Variants in PITRM1 observed in about 807,000 individuals in gnomAD.
PITRM1 encodes the protein presequence protease, mitochondrial.
In PITRM1, 100 loss-of-function variants were observed where a neutral mutation model predicts 129.9. That is an observed-to-expected ratio of 0.77 (90% CI 0.65 to 0.91). The LOEUF (loss-of-function observed/expected upper bound fraction) is 0.91, where lower values mean the gene tolerates loss of function less well. Among genes scored for constraint, PITRM1 ranks in the 40% least tolerant of loss-of-function variants. The probability of loss-of-function intolerance (pLI) is 0.00; values close to 1 mark genes in which losing one functional copy is unlikely to be tolerated. For synonymous variants in PITRM1, 591 were observed against 508.8 expected, an observed-to-expected ratio of 1.16 and a Z score of -2.17; for missense variants, 1,471 against 1,318.3, an observed-to-expected ratio of 1.12 and a Z score of -1.79.
intron 19 of PITRM1, 75 bp from the exon 20 acceptor site, chr10:3,147,325 G>T: frequency 1.7e-6 from 2 of 1,152,814 alleles, no homozygotes; most frequent in Middle Eastern, 2.0e-4. Context: ...AAGCACCTGT[G>T]ACATCAGAAC....
intron 13 of PITRM1, among the ~76,000 whole-genome samples, chr10:3,156,297 C>G (rs573206754): frequency 4.4e-4 from 67 of 152,280 alleles, no homozygotes; most frequent in Non-Finnish European, 4.7e-4. Flanking sequence ...CAAAATGCTC[C>G]CATATAAAAT....
At chr10:3,172,803 A>G, upstream of PITRM1, 1 of 1,536,972 alleles carries the variant, frequency 6.5e-7, no homozygotes, top group South Asian at 1.2e-5. Flanking sequence ...CTGGCGAGGA[A>G]CCCCCTCTTA....
chr10:3,172,585 T>C, intron 1 of PITRM1, 132 bp downstream of exon 1: 1 of 794,608 alleles, frequency 1.3e-6, no homozygotes, highest in South Asian at 2.2e-5. Flanking sequence ...GGGCTCGGGG[T>C]GCGGGACGCC....
intron 7 of PITRM1, 96 bp from the exon 8 acceptor site, chr10:3,160,426 CT>C: frequency 2.0e-6 from 2 of 1,012,272 alleles, no homozygotes; most frequent in South Asian, 2.9e-5. Context: ...AGGAGTGCCC[CT>C]TACCCAAGGT....
intron 23 of PITRM1, 50 bp downstream of exon 23, chr10:3,143,339 G>C (rs759112454): frequency 1.5e-5 from 18 of 1,167,560 alleles, no homozygotes; most frequent in Non-Finnish European, 2.3e-5. Flanking sequence ...GCCTTGACAA[G>C]CTCTTCCGTA....
Position 3,163,885 on chromosome 10 carries a change from T to C in PITRM1, c.631A>G (p.Thr211Ala), listed in dbSNP as rs748908944. Residue 211 changes from threonine to alanine, a missense_variant and splice_region_variant, in exon 7 of 27, where the codon ACA becomes GCA. Thr to Ala is a moderately conservative substitution (Grantham distance 58). Transcript: ENST00000224949. ...TGGGAGAATATCCTCTCATTGTCTGTCTTGAAACGTAAAATAAATAAATCA... is the reference window on the plus strand; with the variant it reads ...TGGGAGAATATCCTCTCATTGTCTGCCTTGAAACGTAAAATAAATAAATCA... ...VVFNEMKGAF[T>A]DNERIFSQHL... The C allele has an allele frequency of 4.4e-6, 7 of 1,587,430 alleles. No homozygotes were observed. In the Admixed American group the frequency reaches 1.2e-4, roughly 28 times the overall value.
chr10:3,140,799 C>T lies in PITRM1; in HGVS notation c.2659G>A (p.Ala887Thr), dbSNP rs1840110495. ...DPDHASLKIL[A>T]RLMTAKFLHT... ...AAGAATTTGGCAGTCATCAAACGTG[C>T]AAGGATTTTAAGACTGAAATGATTA... The change falls in exon 24 of 27, where the codon GCA becomes ACA. Residue 887 changes from alanine to threonine, a missense_variant. Ala to Thr is a moderately conservative substitution (Grantham distance 58). Coordinates refer to ENST00000224949, the MANE Select transcript of PITRM1 (RefSeq NM_014889.4). 6.3e-7 allele frequency: 1 copy of T among 1,583,924 alleles called. No homozygotes were observed. The highest frequency in any genetic ancestry group is 8.6e-7 in the Non-Finnish European group (1 of 1,163,610).
rs958301190 is a variant in PITRM1 at position 3,172,681 on chromosome 10, C to T, written c.56+36G>A. On this transcript the variant is annotated intron_variant, in intron 1 of 26. Coordinates refer to ENST00000224949, the MANE Select transcript of PITRM1 (RefSeq NM_014889.4). ...GCCCTGGACCCTCCCCTCCCGGGTA[C>T]CAGCGCGCCGAGCGCCTCCCGTCGC... 10 of 1,525,068 alleles carry T rather than the reference C, an allele frequency of 6.6e-6. No individual in the cohort carries two copies. The Admixed American group carries it at 1.6e-4, about 24-fold the overall frequency. The allele number at this position is 1,525,068 out of a possible 1,614,324, so 94.5% of individuals were successfully genotyped here.
intron 19 of PITRM1, 110 bp from the exon 20 acceptor site, chr10:3,147,360 G>A: frequency 1.0e-6 from 1 of 988,528 alleles, no homozygotes; most frequent in Non-Finnish European, 1.6e-6. Flanking sequence ...GGTTATGTGT[G>A]CGAGTGCACG....
chr10:3,151,434 GTTA>G (rs2132422410), intron 14 of PITRM1, 71 bp from the exon 15 acceptor site: 1 of 920,326 alleles, frequency 1.1e-6, no homozygotes, highest in East Asian at 2.6e-5. Context: ...TGTCTCCTAT[GTTA>G]TTATCTTAAC....
chr10:3,171,338 T>TAAAAA lies in PITRM1; in HGVS notation c.57-1137_57-1133dup, dbSNP rs71383153. 4.0e-3 allele frequency among the ~76,000 whole-genome samples: 565 copies of TAAAAA among 142,474 alleles called. 4 individuals are homozygous for TAAAAA. The highest frequency in any genetic ancestry group is 0.014 in the African/African-American group (547 of 38,208). 93.5% of individuals were successfully genotyped at this position (142,474 alleles called of 152,430 possible). A position where few individuals can be genotyped will look rare whatever the true frequency, so the allele number is the denominator to read the frequency against. ...AGAACGCATAAAAATGGTAAAATAT[T>TAAAAA]AAAAAAAAAAAAAGCAAGGACATTT... On this transcript the variant is annotated intron_variant, in intron 1 of 26. Transcript: ENST00000224949.
At chr10:3,172,464 C>A (rs1381179716) in intron 1 of PITRM1, among the ~76,000 whole-genome samples, 1 of 152,224 alleles carries the variant, frequency 6.6e-6, no homozygotes. Context: ...AGGGCCCCGC[C>A]GGGAGCGCCG....
rs138089913 is a variant in PITRM1 at position 3,168,975 on chromosome 10, G to C, written c.159+1129C>G. 3.8e-3 allele frequency among the ~76,000 whole-genome samples: 513 copies of C among 136,688 alleles called. 4 individuals are homozygous for C. Among genetic ancestry groups the C allele is most frequent in the Middle Eastern group, 0.022 (6 of 272 alleles). 89.7% of individuals were successfully genotyped at this position (136,688 alleles called of 152,430 possible). A position where few individuals can be genotyped will look rare whatever the true frequency, so the allele number is the denominator to read the frequency against. ...ACACACACACACACACAATTAGCCA[G>C]GCGTGGTGGCACCTTGTCCCAGCTA... is the stretch of plus-strand genomic sequence containing the variant. On this transcript the variant is annotated intron_variant, in intron 2 of 26. Transcript: ENST00000224949.
At position 3,143,154 on chromosome 10, in the gene PITRM1, G is replaced by A. The variant is rs951444287; in HGVS notation, c.2645+235C>T. The A allele has an allele frequency of 5.5e-6, 3 of 546,598 alleles. No homozygotes were observed. In the African/African-American group the frequency reaches 5.7e-5, roughly 10 times the overall value. 33.9% of individuals were successfully genotyped at this position (546,598 alleles called of 1,614,324 possible). ...GTCATAGGTATCTGTATTGTTCATA[G>A]GACTCCTCAATAATAGAAATTGTTT... is the stretch of plus-strand genomic sequence containing the variant. On this transcript the variant is annotated intron_variant, in intron 23 of 26. Coordinates refer to ENST00000224949, the MANE Select transcript of PITRM1 (RefSeq NM_014889.4).
chr10:3,143,570 C>T (rs1840497879), intron 22 of PITRM1, 69 bp from the exon 23 acceptor site: 1 of 1,071,262 alleles, frequency 9.3e-7, no homozygotes, highest in Non-Finnish European at 1.4e-6. Context: ...GGACTGGACC[C>T]ACTCAGGGGT....
chr10:3,170,071 G>T (rs764943470), intron 2 of PITRM1, 33 bp downstream of exon 2: 8 of 1,487,428 alleles, frequency 5.4e-6, no homozygotes, highest in Non-Finnish European at 7.5e-6. Flanking sequence ...AATGTATGTG[G>T]ATTTATAAGG....
Position 3,147,600 on chromosome 10 carries a change from A to AGGTC in PITRM1, c.2203_2206dup (p.Leu736ArgfsTer42). 6.2e-7 allele frequency: 1 copy of AGGTC among 1,614,070 alleles called. No individual in the cohort carries two copies. The highest frequency in any genetic ancestry group is 8.5e-7 in the Non-Finnish European group (1 of 1,179,902). The stretch of plus-strand genomic sequence containing the variant: ...ATCCATCCCGCTGAAGGTCTCCTGC[A>AGGTC]GGTCCCCTGCGGGCGTGAGGGTCCG... On this transcript the variant is annotated frameshift_variant, in exon 19 of 27. Coordinates refer to ENST00000224949, the MANE Select transcript of PITRM1 (RefSeq NM_014889.4). LOFTEE classifies it high-confidence loss of function.
intron 20 of PITRM1, 53 bp from the exon 21 acceptor site, chr10:3,145,769 G>GT: frequency 7.6e-7 from 1 of 1,322,122 alleles, no homozygotes; most frequent in Non-Finnish European, 1.1e-6. Flanking sequence ...AACAGTTTTA[G>GT]TAATTCATCA....
chr10:3,151,418 G>A, intron 14 of PITRM1, 55 bp from the exon 15 acceptor site: 2 of 1,007,382 alleles, frequency 2.0e-6, no homozygotes, highest in East Asian at 5.1e-5. Flanking sequence ...AAGGTTTGAT[G>A]CAACTTGTCT....
Sources: gnomAD v4.1 joint callset for allele counts (sites outside exome capture counted in the v4.1 genomes callset) on GRCh38, gnomAD v4.1.1 for gene constraint, MANE v1.5 for transcripts, NCBI Gene and HGNC (gene_info 2026-07-23, HGNC 2026-07-21) for gene names.